The following ARHGEF26 variants were observed in gnomAD, a reference collection of about 807,000 sequenced individuals.
ARHGEF26 encodes Rho guanine nucleotide exchange factor (GEF) 26.
A neutral mutation model predicts 89.4 loss-of-function variants in ARHGEF26; 59 were observed. The observed-to-expected ratio is 0.66, with a 90% CI of 0.54 to 0.82. The LOEUF (loss-of-function observed/expected upper bound fraction) is 0.82, where lower values mean the gene tolerates loss of function less well. Among genes scored for constraint, ARHGEF26 ranks in the 40% least tolerant of loss-of-function variants. The pLI is 0.00. For missense variants in ARHGEF26, 1,234 were observed against 1,085.6 expected (o/e 1.14, Z -1.92); for synonymous variants, 500 against 428.4 (o/e 1.17, Z -2.06).
Position 154,122,511 on chromosome 3 carries a change from C to T in ARHGEF26, c.519C>T (p.Pro173=). 6.2e-7 allele frequency: 1 copy of T among 1,613,366 alleles called. No homozygotes were observed. The highest frequency in any genetic ancestry group is 1.1e-5 in the South Asian group (1 of 91,084). Reference sequence around the variant, plus strand: ...TGACTGCCAGCCCGGTGCCTTCGCCCACTGCAAATGGCCTTGCCGCTAATA... The same window carrying T: ...TGACTGCCAGCCCGGTGCCTTCGCCTACTGCAAATGGCCTTGCCGCTAATA... ...TGLTASPVPS[P]TANGLAANND... Residue 173 remains proline (P), a synonymous_variant, in exon 2 of 15, where the codon CCC becomes CCT. Coordinates refer to ENST00000465093, the MANE Select transcript of ARHGEF26 (RefSeq NM_015595.4).
intron 6 of ARHGEF26, among the ~76,000 whole-genome samples, chr3:154,186,734 C>T (rs1713576991): frequency 6.6e-6 from 1 of 151,550 alleles, no homozygotes; most frequent in Non-Finnish European, 1.5e-5. Flanking sequence ...TGCACTCCAG[C>T]CTGGGTGACA....
intron 11 of ARHGEF26, among the ~76,000 whole-genome samples, chr3:154,238,834 G>A (rs1717279960): frequency 6.6e-6 from 1 of 152,144 alleles, no homozygotes; most frequent in Admixed American, 6.5e-5. Flanking sequence ...AGATGAATGT[G>A]TATGCAAGAT....
intron 4 of ARHGEF26, among the ~76,000 whole-genome samples, chr3:154,135,895 T>C (rs1718973016): frequency 6.6e-6 from 1 of 152,202 alleles, no homozygotes; most frequent in South Asian, 2.1e-4. Flanking sequence ...GTACTATGCA[T>C]GTATGAAGAA....
intron 4 of ARHGEF26, among the ~76,000 whole-genome samples, chr3:154,130,903 C>T (rs946931313): frequency 1.3e-5 from 2 of 152,142 alleles, no homozygotes; most frequent in Admixed American, 1.3e-4. Context: ...GCTGTATAGC[C>T]AGGGCCGTGG....
Position 154,122,128 on chromosome 3 carries a change from T to C in ARHGEF26, c.136T>C (p.Leu46=), listed in dbSNP as rs191718226. ...CCAGTCCTACCAGAGCCCCAACGGGTTACTAATTACGGATTTCCCGGTGGA... is the reference window on the plus strand; with the variant it reads ...CCAGTCCTACCAGAGCCCCAACGGGCTACTAATTACGGATTTCCCGGTGGA... The part of the protein sequence containing the change: ...RPQSYQSPNG[L]LITDFPVEDG... Residue 46 remains leucine (L), a synonymous_variant, in exon 2 of 15, where the codon TTA becomes CTA. Transcript: ENST00000465093. The C allele has an allele frequency of 4.5e-4, 717 of 1,606,042 alleles. 4 individuals carry two copies. In the African/African-American group the frequency reaches 8.8e-3, roughly 20 times the overall value.
At chr3:154,168,946 G>A (rs1439561928) in intron 6 of ARHGEF26, among the ~76,000 whole-genome samples, 9 of 151,196 alleles carry the variant, frequency 6.0e-5, no homozygotes, top group African/African-American at 1.7e-4. Context: ...CTTAATTCTA[G>A]CATATGAGAA....
At chr3:154,123,213 A>G in intron 2 of ARHGEF26, 138 bp downstream of exon 2, 1 of 1,312,778 alleles carries the variant, frequency 7.6e-7, no homozygotes, top group South Asian at 1.5e-5. Flanking sequence ...TTGCTAGTGT[A>G]CATCCAGCTC....
chr3:154,199,019 A>G (rs560235293), intron 9 of ARHGEF26, among the ~76,000 whole-genome samples: 150 of 152,256 alleles, frequency 9.9e-4, no homozygotes, highest in Middle Eastern at 3.4e-3. Flanking sequence ...ATCATGGAGA[A>G]TGGGGTATCC....
At chr3:154,148,977 A>C (rs1719847331) in intron 4 of ARHGEF26, among the ~76,000 whole-genome samples, 1 of 152,152 alleles carries the variant, frequency 6.6e-6, no homozygotes, top group South Asian at 2.1e-4. Flanking sequence ...CTTTCATATA[A>C]AGTAGGGGGT....
intron 4 of ARHGEF26, among the ~76,000 whole-genome samples, chr3:154,144,176 C>T (rs905186367): frequency 2.0e-5 from 3 of 152,114 alleles, no homozygotes; most frequent in Non-Finnish European, 4.4e-5. Flanking sequence ...TTGCACAGCT[C>T]TTAAAAACTC....
At chr3:154,121,901 G>C in intron 1 of ARHGEF26, 41 bp from the exon 2 acceptor site, 1 of 1,483,224 alleles carries the variant, frequency 6.7e-7, no homozygotes, top group Non-Finnish European at 9.0e-7. Context: ...GGCGTCCCCG[G>C]TTGTCCAGAG....
At chr3:154,217,990 G>A (rs1715885594) in intron 10 of ARHGEF26, 32 bp downstream of exon 10, 6 of 1,532,602 alleles carry the variant, frequency 3.9e-6, no homozygotes, top group Non-Finnish European at 5.3e-6. Context: ...TACTGTTCTT[G>A]CCTATGTTTT....
At chr3:154,185,664 T>C (rs1291483680) in intron 6 of ARHGEF26, among the ~76,000 whole-genome samples, 1 of 152,132 alleles carries the variant, frequency 6.6e-6, no homozygotes, top group African/African-American at 2.4e-5. Flanking sequence ...GAGGCTCCAT[T>C]ACATAGGCAC....
chr3:154,214,305 T>C (rs1381834736), intron 9 of ARHGEF26, among the ~76,000 whole-genome samples: 3 of 152,108 alleles, frequency 2.0e-5, no homozygotes, highest in Admixed American at 6.5e-5. Context: ...GGAGGACTCA[T>C]AAGGGTAGGG....
At chr3:154,218,393 AT>A (rs1316798271) in intron 10 of ARHGEF26, among the ~76,000 whole-genome samples, 1 of 152,112 alleles carries the variant, frequency 6.6e-6, no homozygotes, top group Non-Finnish European at 1.5e-5. Context: ...TTAATGGATA[AT>A]TTTTTTCAAG....
chr3:154,243,129 C>T (rs1326796152), intron 12 of ARHGEF26, among the ~76,000 whole-genome samples: 1 of 152,084 alleles, frequency 6.6e-6, no homozygotes, highest in Non-Finnish European at 1.5e-5. Context: ...GAAACTTCTC[C>T]TCAAAACAGA....
intron 4 of ARHGEF26, among the ~76,000 whole-genome samples, chr3:154,137,827 A>AAG (rs1371910897): frequency 7.0e-6 from 1 of 143,438 alleles, no homozygotes; most frequent in East Asian, 2.1e-4. Flanking sequence ...AAAAAAAAAA[A>AAG]AGAAGAAGAG....
intron 9 of ARHGEF26, among the ~76,000 whole-genome samples, chr3:154,206,062 C>A (rs1309689317): frequency 6.6e-6 from 1 of 152,004 alleles, no homozygotes; most frequent in Admixed American, 6.6e-5. Context: ...GCATTTCTTG[C>A]AGGAAAGGTC....
chr3:154,149,664 A>AT (rs1719900668), intron 5 of ARHGEF26, among the ~76,000 whole-genome samples: 3 of 152,226 alleles, frequency 2.0e-5, no homozygotes, highest in African/African-American at 7.2e-5. Context: ...ACATCGTTTG[A>AT]TTTTAAACAA....
Sources: gnomAD v4.1 joint callset for allele counts (sites outside exome capture counted in the v4.1 genomes callset) on GRCh38, gnomAD v4.1.1 for gene constraint, MANE v1.5 for transcripts, NCBI Gene and HGNC (gene_info 2026-07-23, HGNC 2026-07-21) for gene names.